Variants in LHX1 observed in about 807,000 individuals in gnomAD.
The protein encoded by LHX1 is LIM homeobox 1.
LHX1 carries 9 observed loss-of-function variants against 34.1 expected under a neutral mutation model. The observed-to-expected ratio is 0.26, with a 90% CI of 0.16 to 0.46. The LOEUF (loss-of-function observed/expected upper bound fraction) is 0.46. LHX1 is among the 20% of genes least tolerant of loss of function. The pLI, the probability that LHX1 is intolerant of heterozygous loss-of-function variation, is 1.00. For missense variants in LHX1, 446 were observed against 559.1 expected, an observed-to-expected ratio of 0.80 and a Z score of 2.04; for synonymous variants, 254 against 241.5, an observed-to-expected ratio of 1.05 and a Z score of -0.48.
At chr17:36,942,675 C>A in intron 4 of LHX1, 77 bp from the exon 5 acceptor site, 1 of 1,384,696 alleles carries the variant, frequency 7.2e-7, no homozygotes, top group Non-Finnish European at 9.5e-7. Flanking sequence ...CCGCCGAGGT[C>A]GCGTCTTCCC....
At position 36,940,283 on chromosome 17, in the gene LHX1, C is replaced by CCCCCCCCCCCCT; in HGVS notation, c.171-5_171-4insCCCCCCCCCTCC. 1 of 1,253,608 alleles carries CCCCCCCCCCCCT rather than the reference C, an allele frequency of 8.0e-7. No homozygotes were observed. The highest frequency in any genetic ancestry group is 1.1e-6 in the Non-Finnish European group (1 of 901,320). 77.7% of individuals were successfully genotyped at this position (1,253,608 alleles called of 1,614,324 possible). A position where few individuals can be genotyped will look rare whatever the true frequency, so the allele number is the denominator to read the frequency against. ...CGCCCCCGCCCCCCACCCCCACCCC[C>CCCCCCCCCCCCT]CCGCAGGTGTTTCGGTACCAAATGC... On this transcript the variant is annotated splice_region_variant and splice_polypyrimidine_tract_variant and intron_variant, in intron 1 of 4. Transcript: ENST00000614239.
At chr17:36,941,103 G>T in intron 3 of LHX1, 1 of 784,204 alleles carries the variant, frequency 1.3e-6, no homozygotes. Flanking sequence ...AGGTGATCGT[G>T]GCAGTGGAGG....
chr17:36,942,036 G>A (rs1300179913), intron 3 of LHX1, among the ~76,000 whole-genome samples, 164 bp from the exon 4 acceptor site: 1 of 152,152 alleles, frequency 6.6e-6, no homozygotes, highest in Non-Finnish European at 1.5e-5. Flanking sequence ...GCCCTGAGTG[G>A]TCCTAGTCAG....
At position 36,937,778 on chromosome 17, in the gene LHX1, C is replaced by A. The variant is rs1346893288; in HGVS notation, c.-420C>A. The A allele has an allele frequency of 2.1e-6, 1 of 473,796 alleles. No homozygotes were observed. The allele number at this position is 473,796 out of a possible 1,614,324, so 29.3% of individuals were successfully genotyped here. On this transcript the variant is annotated 5_prime_UTR_variant, in exon 1 of 5. Transcript: ENST00000614239. ...CCGGAGAACTCAGCGGCGCTTTCCT[C>A]GCAACCCGAGCTCGGCGAGTCGTCG...
At position 36,940,525 on chromosome 17, in the gene LHX1, C is replaced by G; in HGVS notation, c.397+9C>G. On this transcript the variant is annotated intron_variant, in intron 2 of 4. Transcript: ENST00000614239. ...GAACAGCCTTCACTCGGGTGAGGCC[C>G]CAATTCCTGGCTGGCTAGGTGCAAG... 6.2e-7 allele frequency: 1 copy of G among 1,613,802 alleles called. No homozygotes were observed. The highest frequency in any genetic ancestry group is 8.5e-7 in the Non-Finnish European group (1 of 1,180,024).
intron 4 of LHX1, 102 bp from the exon 5 acceptor site, chr17:36,942,650 G>T: frequency 7.9e-7 from 1 of 1,268,820 alleles, no homozygotes; most frequent in Non-Finnish European, 1.1e-6. Context: ...AGTTCCCCGC[G>T]CGGCCTTCCT....
intron 3 of LHX1, 96 bp from the exon 4 acceptor site, chr17:36,942,104 G>T: frequency 7.4e-7 from 1 of 1,343,972 alleles, no homozygotes; most frequent in South Asian, 1.3e-5. Flanking sequence ...CGCGGTGTCG[G>T]CTAGCCAGGC....
chr17:36,937,225 C>T (rs1029407695), upstream of LHX1: 1 of 453,100 alleles, frequency 2.2e-6, no homozygotes, highest in Non-Finnish European at 4.4e-6. Context: ...TGACTGGAGC[C>T]ACGATGCACG....
At chr17:36,940,132 T>C in intron 1 of LHX1, 158 bp from the exon 2 acceptor site, 1 of 629,000 alleles carries the variant, frequency 1.6e-6, no homozygotes, top group Admixed American at 2.5e-5. Context: ...TCTCTTTATC[T>C]CTCTCTTCCC....
At position 36,942,949 on chromosome 17, in the gene LHX1, C is replaced by T. The variant is rs761952441; in HGVS notation, c.1039C>T (p.Leu347=). The T allele has an allele frequency of 6.8e-6, 11 of 1,609,466 alleles. No individual in the cohort carries two copies. The highest frequency in any genetic ancestry group is 8.5e-7 in the Non-Finnish European group (1 of 1,178,494). The part of the protein sequence containing the change: ...SSEAQRFTDI[L]AHPPGDSPSP... ...CGAGGCGCAGCGGTTTACCGACATC[C>T]TGGCGCACCCACCCGGGGACTCGCC... The change falls in exon 5 of 5, where the codon CTG becomes TTG. Residue 347 remains leucine, a synonymous_variant. Coordinates refer to ENST00000614239, the MANE Select transcript of LHX1 (RefSeq NM_005568.5).
rs1754123700 is a variant in LHX1 at position 36,943,959 on chromosome 17, T to TA, written c.*833dup. The TA allele has an allele frequency of 6.6e-6, 1 of 150,906 alleles. No homozygotes were observed. The highest frequency in any genetic ancestry group is 2.4e-5 in the African/African-American group (1 of 41,088). The allele number at this position is 150,906 out of a possible 1,614,324, so 9.3% of individuals were successfully genotyped here. A position where few individuals can be genotyped will look rare whatever the true frequency, so the allele number is the denominator to read the frequency against. ...AAAAAAAAAAAAAAGACTATTGAAC[T>TA]AAAAACAGTCAACTGTTTACGTATA... On this transcript the variant is annotated 3_prime_UTR_variant, in exon 5 of 5. Coordinates refer to ENST00000614239, the MANE Select transcript of LHX1 (RefSeq NM_005568.5).
At chr17:36,938,502 C>T in intron 1 of LHX1, 135 bp downstream of exon 1, 1 of 851,464 alleles carries the variant, frequency 1.2e-6, no homozygotes, top group South Asian at 1.6e-5. Context: ...GTCCCGCGGG[C>T]GCCCGCCTCT....
At chr17:36,937,062 A>C, upstream of LHX1, 1 of 285,842 alleles carries the variant, frequency 3.5e-6, no homozygotes, top group Non-Finnish European at 7.0e-6. Context: ...AAAAGGAAGG[A>C]GGCTAGAAAG....
In LHX1 at chr17:36,937,820, TTTTA is replaced by T. The variant is rs1166091639; in HGVS notation, c.-366_-363del. ...GAGTCGTCGTCTTCTTCTTCTCCGT[TTTTA>T]TTTATTTATTTCCGTTCCCGCCGCC... On this transcript the variant is annotated 5_prime_UTR_variant, in exon 1 of 5. Coordinates refer to ENST00000614239, the MANE Select transcript of LHX1 (RefSeq NM_005568.5). 11 of 503,092 alleles carry T rather than the reference TTTTA, an allele frequency of 2.2e-5. No homozygotes were observed. The highest frequency in any genetic ancestry group is 3.9e-5 in the Non-Finnish European group (10 of 258,498). The allele number at this position is 503,092 out of a possible 1,614,324, so 31.2% of individuals were successfully genotyped here. A position where few individuals can be genotyped will look rare whatever the true frequency, so the allele number is the denominator to read the frequency against.
chr17:36,938,389 C>T (rs1377830144), intron 1 of LHX1, 22 bp downstream of exon 1: 1 of 1,612,374 alleles, frequency 6.2e-7, no homozygotes, highest in East Asian at 2.2e-5. Flanking sequence ...CCTCCCACGC[C>T]TCTGCTGCTA....
Position 36,938,084 on chromosome 17 carries a change from T to G in LHX1, c.-114T>G. 9.7e-7 allele frequency: 1 copy of G among 1,029,308 alleles called. No individual in the cohort carries two copies. Among genetic ancestry groups the G allele is most frequent in the South Asian group, 1.3e-5 (1 of 75,848 alleles). The allele number at this position is 1,029,308 out of a possible 1,614,324, so 63.8% of individuals were successfully genotyped here. On this transcript the variant is annotated 5_prime_UTR_variant, in exon 1 of 5. Transcript: ENST00000614239. ...GTTTTGGCTTGCACGGCCGAGTGTG[T>G]GTCCTCTTTTTGGAGAGACTGGGGA... is the stretch of plus-strand genomic sequence containing the variant.
Position 36,938,257 on chromosome 17 carries a change from G to A in LHX1, c.60G>A (p.Leu20=). ...PILDRFLLNV[L]DRAWHVKCVQ... ...TGGACCGCTTTCTCTTGAACGTGCT[G>A]GACAGGGCCTGGCACGTCAAGTGCG... Residue 20 remains leucine, a synonymous_variant, in exon 1 of 5, where the codon CTG becomes CTA. Transcript: ENST00000614239. The A allele has an allele frequency of 6.2e-7, 1 of 1,614,180 alleles. No homozygotes were observed. Among genetic ancestry groups the A allele is most frequent in the Non-Finnish European group, 8.5e-7 (1 of 1,180,020 alleles).
rs754638184 is a variant in LHX1, at chr17:36,940,895, C to T, written c.675+8C>T. ...AACATGCGCGTCATTCAGGTCAGGC[C>T]CCGGCGCGCCTCTCCATCCCACAGA... On this transcript the variant is annotated splice_region_variant and intron_variant, in intron 3 of 4. Transcript: ENST00000614239. The T allele has an allele frequency of 5.1e-6, 8 of 1,576,396 alleles. No homozygotes were observed. In the African/African-American group the frequency reaches 6.7e-5, roughly 13 times the overall value.
chr17:36,941,436 CT>C, intron 3 of LHX1: 1 of 321,990 alleles, frequency 3.1e-6, no homozygotes, highest in Non-Finnish European at 6.1e-6. Flanking sequence ...GTATGGGAGC[CT>C]ACCTGGAGGC....
Sources: allele counts gnomAD v4.1 joint callset (sites outside exome capture counted in the v4.1 genomes callset), GRCh38; gene constraint gnomAD v4.1.1; transcripts MANE v1.5; gene names NCBI Gene and HGNC (gene_info 2026-07-23, HGNC 2026-07-21).